The following MSRA variants were observed in gnomAD, a reference collection of about 807,000 sequenced individuals.
MSRA encodes methionine sulfoxide reductase A.
MSRA carries 54 observed loss-of-function variants against 31.3 expected under a neutral mutation model. The ratio of observed to expected loss-of-function variants is 1.73; its 90% CI spans 1.39 to 2.17. The LOEUF is 2.17. Among genes scored for constraint, MSRA ranks in the 30% most tolerant of loss-of-function variants. The pLI, the probability that MSRA is intolerant of heterozygous loss-of-function variation, is 0.00. For synonymous variants in MSRA, 169 were observed against 116.5 expected (o/e 1.45, Z -2.90); for missense variants, 507 against 300.9 (o/e 1.69, Z -5.07).
At position 10,338,968 on chromosome 8, in the gene MSRA, T is replaced by G. The variant is rs1477789433; in HGVS notation, c.543+18979T>G. On this transcript the variant is annotated intron_variant, in intron 5 of 5. Transcript: ENST00000317173. Reference sequence around the variant, plus strand: ...GCAGAATTGGGTTGTGGGGAGCAAGTGCCAGGCCAGTTTCCAGTCCTTGCC... The same window carrying G: ...GCAGAATTGGGTTGTGGGGAGCAAGGGCCAGGCCAGTTTCCAGTCCTTGCC... Among the ~76,000 whole-genome samples, 4 of 152,230 alleles carry G rather than the reference T, an allele frequency of 2.6e-5. No individual in the cohort carries two copies. In the East Asian group the frequency reaches 7.7e-4, roughly 29 times the overall value.
chr8:10,257,636 G>C (rs1798252826), intron 3 of MSRA, among the ~76,000 whole-genome samples: 3 of 152,134 alleles, frequency 2.0e-5, no homozygotes, highest in African/African-American at 7.2e-5. Context: ...TCAAACTCCT[G>C]ATCCCAGGTG....
At chr8:10,081,492 TTTTCA>T (rs1798290845) in intron 1 of MSRA, among the ~76,000 whole-genome samples, 1 of 152,170 alleles carries the variant, frequency 6.6e-6, no homozygotes, top group African/African-American at 2.4e-5. Flanking sequence ...AATTGACTCC[TTTTCA>T]TTTATTTTTT....
intron 1 of MSRA, among the ~76,000 whole-genome samples, chr8:10,138,600 A>G (rs991305895): frequency 4.6e-5 from 7 of 152,202 alleles, no homozygotes; most frequent in African/African-American, 1.7e-4. Context: ...TTGCAAGAAT[A>G]TTTCCTATTT....
intron 4 of MSRA, among the ~76,000 whole-genome samples, chr8:10,317,436 G>A (rs748310647): frequency 1.3e-5 from 2 of 152,148 alleles, no homozygotes; most frequent in Non-Finnish European, 2.9e-5. Flanking sequence ...GTTTTCCTCT[G>A]CTTCCTCTGG....
chr8:10,367,732 G>A (rs141275425), intron 5 of MSRA, among the ~76,000 whole-genome samples: 55 of 152,296 alleles, frequency 3.6e-4, no homozygotes, highest in Middle Eastern at 3.4e-3. Context: ...TGTCTCCGGC[G>A]CTGGCTGGAC....
intron 1 of MSRA, among the ~76,000 whole-genome samples, chr8:10,101,344 C>T (rs977035946): frequency 2.0e-5 from 3 of 152,020 alleles, no homozygotes; most frequent in Admixed American, 6.6e-5. Context: ...TTATGTTTTA[C>T]AAAATTATTT....
chr8:10,426,652 G>A (rs1462862688), intron 5 of MSRA, among the ~76,000 whole-genome samples: 1 of 152,260 alleles, frequency 6.6e-6, no homozygotes, highest in East Asian at 1.9e-4. Flanking sequence ...CTTTCCGCCT[G>A]TGCGGTACGA....
chr8:10,095,664 G>C (rs1350944712), intron 1 of MSRA: 1 of 1,004,554 alleles, frequency 1.0e-6, no homozygotes, highest in East Asian at 9.8e-5. Flanking sequence ...TGCTTTCTCG[G>C]CTTGAGCTTC....
chr8:10,396,071 C>G (rs1289420527), intron 5 of MSRA, among the ~76,000 whole-genome samples: 1 of 152,168 alleles, frequency 6.6e-6, no homozygotes, highest in African/African-American at 2.4e-5. Flanking sequence ...CACAAGGGCC[C>G]TTAGAGGCAC....
chr8:10,409,898 A>C (rs1418560549), intron 5 of MSRA, among the ~76,000 whole-genome samples: 1 of 152,168 alleles, frequency 6.6e-6, no homozygotes, highest in African/African-American at 2.4e-5. Context: ...TCTCTACAGA[A>C]AATAAAAAGA....
chr8:10,226,955 T>A (rs1811052895), intron 2 of MSRA, among the ~76,000 whole-genome samples: 1 of 152,162 alleles, frequency 6.6e-6, no homozygotes, highest in South Asian at 2.1e-4. Context: ...TTCCAGCAGC[T>A]GGGAGAACTG....
rs567106041 is a variant in MSRA, at chr8:10,153,754, A to G, written c.143-54079A>G. Among the ~76,000 whole-genome samples, 12 of 152,300 alleles carry G rather than the reference A, an allele frequency of 7.9e-5. No individual in the cohort carries two copies. In the East Asian group the frequency reaches 2.3e-3, roughly 29 times the overall value. On this transcript the variant is annotated intron_variant, in intron 1 of 5. Transcript: ENST00000317173. ...AGTGTTCGCTATCACGTTAAGAAATATGTTCGAGGAGGAAGCCGTGCAACA... is the reference window on the plus strand; with the variant it reads ...AGTGTTCGCTATCACGTTAAGAAATGTGTTCGAGGAGGAAGCCGTGCAACA...
intron 3 of MSRA, among the ~76,000 whole-genome samples, chr8:10,257,843 G>T (rs1180422472): frequency 2.6e-5 from 4 of 152,170 alleles, no homozygotes; most frequent in Non-Finnish European, 5.9e-5. Context: ...TTTCTGACAG[G>T]ACATGCTTGA....
At chr8:10,402,830 A>G (rs1284885771) in intron 5 of MSRA, among the ~76,000 whole-genome samples, 1 of 152,174 alleles carries the variant, frequency 6.6e-6, no homozygotes, top group Non-Finnish European at 1.5e-5. Context: ...CAGACTTGAG[A>G]TTTAAGCACA....
At chr8:10,283,291 A>G (rs1219830100) in intron 3 of MSRA, among the ~76,000 whole-genome samples, 5 of 152,068 alleles carry the variant, frequency 3.3e-5, no homozygotes, top group Non-Finnish European at 5.9e-5. Context: ...TGTCATATAA[A>G]AATTGCACAT....
chr8:10,141,640 A>G (rs1802714572), intron 1 of MSRA, among the ~76,000 whole-genome samples: 2 of 152,216 alleles, frequency 1.3e-5, no homozygotes, highest in South Asian at 4.1e-4. Context: ...TAATGCAGTC[A>G]ATGCTGTAGT....
chr8:10,300,395 A>G (rs1163002945), intron 3 of MSRA, among the ~76,000 whole-genome samples: 1 of 152,026 alleles, frequency 6.6e-6, no homozygotes, highest in South Asian at 2.1e-4. Context: ...AGCTGGGATT[A>G]CAGACACCCA....
intron 5 of MSRA, among the ~76,000 whole-genome samples, chr8:10,375,588 G>A (rs868471047): frequency 2.0e-5 from 3 of 152,176 alleles, no homozygotes; most frequent in African/African-American, 2.4e-5. Context: ...TCAAGGATTC[G>A]AGGGAGATGC....
chr8:10,405,591 A>G (rs1807755447), intron 5 of MSRA, among the ~76,000 whole-genome samples: 1 of 152,114 alleles, frequency 6.6e-6, no homozygotes, highest in Non-Finnish European at 1.5e-5. Flanking sequence ...CCATATCCAT[A>G]ACTATTTAGG....
Sources: allele counts gnomAD v4.1 joint callset (sites outside exome capture counted in the v4.1 genomes callset), GRCh38; gene constraint gnomAD v4.1.1; transcripts MANE v1.5; gene names NCBI Gene and HGNC (gene_info 2026-07-23, HGNC 2026-07-21).